Variants in MAST4 observed in about 807,000 individuals in gnomAD.
MAST4 encodes microtubule associated serine/threonine kinase family member 4.
Under a neutral mutation model 162.7 loss-of-function variants are expected in MAST4, and 89 were observed. That is an observed-to-expected ratio of 0.55 (90% CI 0.46 to 0.65). MAST4 has a LOEUF of 0.65. Ranked by LOEUF, MAST4 falls within the 30% of genes least tolerant of loss-of-function variation. The probability of loss-of-function intolerance (pLI) is 0.00; values close to 1 mark genes in which losing one functional copy is unlikely to be tolerated. For missense variants in MAST4, 3,153 were observed against 3,374.0 expected, an observed-to-expected ratio of 0.93 and a Z score of 1.62; for synonymous variants, 1,479 against 1,361.1, an observed-to-expected ratio of 1.09 and a Z score of -1.91.
chr5:66,732,568 T>C (rs1561292683), intron 1 of MAST4, among the ~76,000 whole-genome samples: 2 of 152,202 alleles, frequency 1.3e-5, no homozygotes, highest in Admixed American at 6.5e-5. Context: ...TTCTGACTGG[T>C]TTCTTAAGGG....
At chr5:66,884,005 A>G (rs1761881348) in intron 3 of MAST4, among the ~76,000 whole-genome samples, 1 of 152,188 alleles carries the variant, frequency 6.6e-6, no homozygotes, top group Non-Finnish European at 1.5e-5. Flanking sequence ...ACAATTCAAG[A>G]CTGAAATTCT....
intron 4 of MAST4, among the ~76,000 whole-genome samples, chr5:66,925,001 A>G (rs1764792026): frequency 6.6e-6 from 1 of 152,222 alleles, no homozygotes; most frequent in Admixed American, 6.5e-5. Flanking sequence ...ATATTATAGA[A>G]AAATACAGAA....
intron 2 of MAST4, among the ~76,000 whole-genome samples, chr5:66,774,526 A>T (rs962788190): frequency 6.6e-6 from 1 of 151,544 alleles, no homozygotes; most frequent in African/African-American, 2.4e-5. Context: ...ACTTTTGCTG[A>T]CTCTTCCACC....
chr5:67,008,873 A>T (rs1752342151), intron 4 of MAST4, among the ~76,000 whole-genome samples: 1 of 152,216 alleles, frequency 6.6e-6, no homozygotes, highest in Non-Finnish European at 1.5e-5. Flanking sequence ...TTTTTTATGC[A>T]TTCGGCATCT....
intron 4 of MAST4, among the ~76,000 whole-genome samples, chr5:66,910,159 T>C (rs955340866): frequency 2.0e-5 from 3 of 152,206 alleles, no homozygotes; most frequent in African/African-American, 7.2e-5. Context: ...GACTTCACCA[T>C]GTATGTCATA....
At chr5:66,942,724 T>C (rs1353743500) in intron 4 of MAST4, among the ~76,000 whole-genome samples, 2 of 152,174 alleles carry the variant, frequency 1.3e-5, no homozygotes, top group Non-Finnish European at 2.9e-5. Flanking sequence ...GATGTCATGC[T>C]TCCAATGTTT....
intron 6 of MAST4, among the ~76,000 whole-genome samples, chr5:67,092,209 A>G (rs1284244274): frequency 1.3e-5 from 2 of 152,176 alleles, no homozygotes; most frequent in East Asian, 3.9e-4. Context: ...AATTGAGGAA[A>G]TATTGCTCTG....
intron 2 of MAST4, among the ~76,000 whole-genome samples, chr5:66,760,742 A>G (rs962961747): frequency 6.6e-6 from 1 of 152,210 alleles, no homozygotes; most frequent in Admixed American, 6.5e-5. Context: ...ACTTTATAAA[A>G]TTAGGTTCTA....
At chr5:67,056,056 A>G (rs565812523) in intron 5 of MAST4, among the ~76,000 whole-genome samples, 1 of 149,562 alleles carries the variant, frequency 6.7e-6, no homozygotes, top group East Asian at 1.9e-4. Context: ...ATATGATTAT[A>G]TTCTATATAT....
intron 3 of MAST4, among the ~76,000 whole-genome samples, chr5:66,812,041 G>T (rs1353610802): frequency 6.6e-6 from 1 of 152,122 alleles, no homozygotes; most frequent in Non-Finnish European, 1.5e-5. Flanking sequence ...ATGGTCTAGG[G>T]CTGTGTTTGG....
rs369435906 is a variant in MAST4 at position 67,164,349 on chromosome 5, C to A, written c.5170C>A (p.Arg1724=). Reference sequence around the variant, plus strand: ...CGAATGCCTGCCAGGGAACCCAGTCCGACCCACGGGTGGGCAGCAGGAGCC... The same window carrying A: ...CGAATGCCTGCCAGGGAACCCAGTCAGACCCACGGGTGGGCAGCAGGAGCC... ...SHECLPGNPV[R]PTGGQQEPPP... Residue 1724 remains arginine, a synonymous_variant, in exon 29 of 29, where the codon CGA becomes AGA. Transcript: ENST00000403625. The surrounding 1 kb of genome is among the most constrained non-coding windows in gnomAD (Gnocchi z 5.3). 11 of 1,613,784 alleles carry A rather than the reference C, an allele frequency of 6.8e-6. No homozygotes were observed. Among genetic ancestry groups the A allele is most frequent in the Non-Finnish European group, 8.5e-6 (10 of 1,179,866 alleles).
chr5:67,112,093 T>A (rs1478311794), intron 11 of MAST4, among the ~76,000 whole-genome samples: 1 of 152,106 alleles, frequency 6.6e-6, no homozygotes, highest in Non-Finnish European at 1.5e-5. Flanking sequence ...TCCTGAGTAA[T>A]TCTCAGGTGA....
At chr5:66,692,240 T>C (rs375834273) in intron 1 of MAST4, among the ~76,000 whole-genome samples, 1 of 152,302 alleles carries the variant, frequency 6.6e-6, no homozygotes, top group Admixed American at 6.5e-5. Flanking sequence ...CCAAGAGTTA[T>C]AAGAACATTT....
At chr5:66,732,573 T>G (rs1459071119) in intron 1 of MAST4, among the ~76,000 whole-genome samples, 4 of 152,206 alleles carry the variant, frequency 2.6e-5, no homozygotes, top group Non-Finnish European at 4.4e-5. Flanking sequence ...ACTGGTTTCT[T>G]AAGGGCAAGG....
intron 4 of MAST4, among the ~76,000 whole-genome samples, chr5:67,028,134 G>A (rs1461764733): frequency 1.5e-5 from 2 of 136,624 alleles, no homozygotes; most frequent in Non-Finnish European, 3.3e-5. Flanking sequence ...CATGCATGGT[G>A]GGGATTATAG....
In MAST4 at chr5:67,164,896, C is replaced by T; in HGVS notation, c.5717C>T (p.Thr1906Ile). ...AGGGACAGGAAAGGTCCCCATCCTA[C>T]TGCCAGGAGCCCTGGAACAGTCATG... Reference protein sequence around the residue: ...FKRDRKGPHPTARSPGTVMES... With the variant: ...FKRDRKGPHPIARSPGTVMES... Residue 1906 changes from threonine (T) to isoleucine (I), a missense_variant, in exon 29 of 29, where the codon ACT (threonine) becomes ATT (isoleucine). Around this residue, in one of 7 missense-constraint regions of MAST4, gnomAD observed 1,644 missense variants for 1,495.0 expected, o/e 1.10. Coordinates refer to ENST00000403625, the MANE Select transcript of MAST4 (RefSeq NM_001164664.2). This position sits in a 1 kb window ranked among gnomAD's most constrained non-coding sequence, Gnocchi z 5.3. 2 of 1,614,058 alleles carry T rather than the reference C, an allele frequency of 1.2e-6. No individual in the cohort carries two copies. The highest frequency in any genetic ancestry group is 1.7e-6 in the Non-Finnish European group (2 of 1,179,906).
chr5:66,950,328 A>G (rs1054134528), intron 4 of MAST4, among the ~76,000 whole-genome samples: 2 of 151,896 alleles, frequency 1.3e-5, no homozygotes, highest in Non-Finnish European at 2.9e-5. Flanking sequence ...GCCATTAAGT[A>G]CATTCACAGA....
chr5:67,082,638 GATA>G (rs1369364206), intron 5 of MAST4, among the ~76,000 whole-genome samples: 3 of 152,160 alleles, frequency 2.0e-5, no homozygotes, highest in Non-Finnish European at 4.4e-5. Context: ...GTGCAGATTA[GATA>G]ATAACATTGT....
chr5:66,606,323 T>TAA (rs1579969340), intron 1 of MAST4, among the ~76,000 whole-genome samples: 1 of 152,350 alleles, frequency 6.6e-6, no homozygotes, highest in East Asian at 1.9e-4. Context: ...TTCTAGAATG[T>TAA]CATGGTATGT....
Sources: gnomAD v4.1 joint callset for allele counts (sites outside exome capture counted in the v4.1 genomes callset) on GRCh38, gnomAD v4.1.1 for gene constraint, gnomAD v4.1.1 regional missense constraint, Gnocchi (gnomAD v3.1) non-coding constraint, MANE v1.5 for transcripts, NCBI Gene and HGNC (gene_info 2026-07-23, HGNC 2026-07-21) for gene names.